The following LHX4 variants were observed in gnomAD, a reference collection of about 807,000 sequenced individuals.
LHX4 encodes LIM/homeobox protein Lhx4.
Under a neutral mutation model 39.2 loss-of-function variants are expected in LHX4, and 16 were observed. That is an observed-to-expected ratio of 0.41 (90% CI 0.28 to 0.62). The LOEUF is 0.62. LHX4 is among the 20% of genes least tolerant of loss of function. The pLI, the probability that LHX4 is intolerant of heterozygous loss-of-function variation, is 0.33. For synonymous variants in LHX4, 206 were observed against 198.1 expected (o/e 1.04, Z -0.33); for missense variants, 439 against 511.9 (o/e 0.86, Z 1.37).
At position 180,274,901 on chromosome 1, in the gene LHX4, G is replaced by C. The variant is rs1157025788; in HGVS notation, c.*322G>C. ...GCTCAGTGCTTTGGTAGCACAAGGT[G>C]ACTGTGATAGGCCCCCTTGGCCTTT... On this transcript the variant is annotated 3_prime_UTR_variant, in exon 6 of 6. Transcript: ENST00000263726. 3 of 255,390 alleles carry C rather than the reference G, an allele frequency of 1.2e-5. No individual in the cohort carries two copies. The highest frequency in any genetic ancestry group is 6.5e-5 in the African/African-American group (3 of 45,832). 15.8% of individuals were successfully genotyped at this position (255,390 alleles called of 1,614,324 possible).
At chr1:180,256,062 C>T (rs1159846010) in intron 2 of LHX4, among the ~76,000 whole-genome samples, 1 of 152,242 alleles carries the variant, frequency 6.6e-6, no homozygotes, top group African/African-American at 2.4e-5. Context: ...CTACCCTGGC[C>T]ATTCAGGTGC....
At chr1:180,235,358 G>A (rs1023577494) in intron 1 of LHX4, among the ~76,000 whole-genome samples, 1 of 152,280 alleles carries the variant, frequency 6.6e-6, no homozygotes, top group African/African-American at 2.4e-5. Context: ...TTCCAGCAAG[G>A]ATAGGCGCGG....
In LHX4 at chr1:180,248,648, G is replaced by A. The variant is rs564643562; in HGVS notation, c.248+192G>A. 17 of 682,338 alleles carry A rather than the reference G, an allele frequency of 2.5e-5. 1 individual carries two copies. The highest frequency in any genetic ancestry group is 1.8e-4 in the African/African-American group (10 of 57,098). 42.3% of individuals were successfully genotyped at this position (682,338 alleles called of 1,614,324 possible). A position where few individuals can be genotyped will look rare whatever the true frequency, so the allele number is the denominator to read the frequency against. On this transcript the variant is annotated intron_variant, in intron 2 of 5. Transcript: ENST00000263726. ...TGATCACTGGCCCATCACTGCCAGA[G>A]GTTCAGCCTCTAGACCTCATTTGAT...
At chr1:180,271,776 G>A in intron 4 of LHX4, 59 bp from the exon 5 acceptor site, 1 of 1,593,698 alleles carries the variant, frequency 6.3e-7, no homozygotes, top group Non-Finnish European at 8.6e-7. Context: ...AGGGGGTCCT[G>A]GGGGCTTTGG....
chr1:180,252,719 G>A (rs1453531464), intron 2 of LHX4, among the ~76,000 whole-genome samples: 3 of 152,188 alleles, frequency 2.0e-5, no homozygotes, highest in Admixed American at 2.0e-4. Context: ...GAGGTGGGTA[G>A]TACCTTGTAA....
chr1:180,271,677 G>T, intron 4 of LHX4, 143 bp downstream of exon 4: 1 of 1,321,120 alleles, frequency 7.6e-7, no homozygotes, highest in South Asian at 1.2e-5. Flanking sequence ...ACAGAGTTCT[G>T]AGGCCCACCT....
chr1:180,233,346 G>C, intron 1 of LHX4, among the ~76,000 whole-genome samples: 1 of 152,204 alleles, frequency 6.6e-6, no homozygotes, highest in East Asian at 1.9e-4. Context: ...TTGGTCGCGC[G>C]GCCCCCGGTG....
rs1648323639 is a variant in LHX4 at position 180,266,576 on chromosome 1, G to C, written c.433G>C (p.Glu145Gln). 1 of 1,614,094 alleles carries C rather than the reference G, an allele frequency of 6.2e-7. No homozygotes were observed. Among genetic ancestry groups the C allele is most frequent in the Non-Finnish European group, 8.5e-7 (1 of 1,179,998 alleles). Reference sequence around the variant, plus strand: ...GCGGCTGGTGTGCAAGGAAGACTACGAGACAGCCAAGCAGAACGGTAAGCA... The same window carrying C: ...GCGGCTGGTGTGCAAGGAAGACTACCAGACAGCCAAGCAGAACGGTAAGCA... ...DGRLVCKEDY[E>Q]TAKQNDDSEA... The change falls in exon 3 of 6, where the codon GAG becomes CAG. Residue 145 changes from glutamate to glutamine, a missense_variant. Coordinates refer to ENST00000263726, the MANE Select transcript of LHX4 (RefSeq NM_033343.4). The surrounding 1 kb of genome is among the most constrained non-coding windows in gnomAD (Gnocchi z 5.7).
In LHX4 at chr1:180,277,612, C is replaced by CT. The variant is rs1225153446; in HGVS notation, c.*3034dup. On this transcript the variant is annotated 3_prime_UTR_variant, in exon 6 of 6. Transcript: ENST00000263726. ...ATGGAGGAAATACCAGATTTAAGGG[C>CT]TAAGAAGCTGGCCCGATGGGTAAAT... 1 of 152,154 alleles carries CT rather than the reference C, an allele frequency of 6.6e-6. No homozygotes were observed. Among genetic ancestry groups the CT allele is most frequent in the African/African-American group, 2.4e-5 (1 of 41,434 alleles). 9.4% of individuals were successfully genotyped at this position (152,154 alleles called of 1,614,324 possible).
intron 2 of LHX4, among the ~76,000 whole-genome samples, chr1:180,252,661 T>C (rs1417675870): frequency 2.6e-5 from 4 of 152,108 alleles, no homozygotes; most frequent in Non-Finnish European, 5.9e-5. Context: ...TGTCATATTC[T>C]ATGTGAAGTT....
At chr1:180,239,969 T>C (rs1003409450) in intron 1 of LHX4, among the ~76,000 whole-genome samples, 1 of 152,150 alleles carries the variant, frequency 6.6e-6, no homozygotes, top group East Asian at 1.9e-4. Context: ...GTGGCTCCCA[T>C]GGACCCAGCT....
intron 2 of LHX4, among the ~76,000 whole-genome samples, chr1:180,251,983 C>T (rs1647646306): frequency 6.6e-6 from 1 of 152,162 alleles, no homozygotes; most frequent in African/African-American, 2.4e-5. Flanking sequence ...GATTCATAGC[C>T]CTCACCAAGC....
Position 180,234,767 on chromosome 1 carries a change from C to G in LHX4, c.76+4162C>G, listed in dbSNP as rs1425081620. Among the ~76,000 whole-genome samples, 1 of 152,244 alleles carries G rather than the reference C, an allele frequency of 6.6e-6. No homozygotes were observed. On this transcript the variant is annotated intron_variant, in intron 1 of 5. Coordinates refer to ENST00000263726, the MANE Select transcript of LHX4 (RefSeq NM_033343.4). The surrounding 1 kb of genome is among the most constrained non-coding windows in gnomAD (Gnocchi z 4.8). ...AGCAGGACCTAACTCAAGTTTATTT[C>G]CTCTCTTGGCCGAGGTCCGGGCTCG...
intron 1 of LHX4, among the ~76,000 whole-genome samples, chr1:180,235,549 C>T (rs1664294973): frequency 6.6e-6 from 1 of 152,240 alleles, no homozygotes; most frequent in Non-Finnish European, 1.5e-5. Flanking sequence ...CGAAGGGGCT[C>T]CTCCTCTTCG....
At chr1:180,264,651 G>C (rs892041828) in intron 2 of LHX4, among the ~76,000 whole-genome samples, 3 of 152,178 alleles carry the variant, frequency 2.0e-5, no homozygotes, top group African/African-American at 7.2e-5. Flanking sequence ...CCTGGGTCCT[G>C]AATCCCTTTA....
At chr1:180,243,933 C>T (rs917955727) in intron 1 of LHX4, among the ~76,000 whole-genome samples, 11 of 152,202 alleles carry the variant, frequency 7.2e-5, no homozygotes, top group Non-Finnish European at 1.5e-4. Flanking sequence ...GTTCAGGCCC[C>T]TTGAGCTCTC....
rs755424000 is a variant in LHX4, at chr1:180,277,331, A to G, written c.*2752A>G. 3.3e-5 allele frequency: 5 copies of G among 152,202 alleles called. No individual in the cohort carries two copies. The highest frequency in any genetic ancestry group is 7.3e-5 in the Non-Finnish European group (5 of 68,038). The allele number at this position is 152,202 out of a possible 1,614,324, so 9.4% of individuals were successfully genotyped here. A position where few individuals can be genotyped will look rare whatever the true frequency, so the allele number is the denominator to read the frequency against. On this transcript the variant is annotated 3_prime_UTR_variant, in exon 6 of 6. Coordinates refer to ENST00000263726, the MANE Select transcript of LHX4 (RefSeq NM_033343.4). Reference sequence around the variant, plus strand: ...GCACTCCTCTGTTGCTTGGAAGTCTATTATGGGGTATAAGGTGCTACATGG... The same window carrying G: ...GCACTCCTCTGTTGCTTGGAAGTCTGTTATGGGGTATAAGGTGCTACATGG...
intron 2 of LHX4, among the ~76,000 whole-genome samples, chr1:180,249,957 AGT>A (rs1647553110): frequency 2.0e-5 from 3 of 150,878 alleles, no homozygotes; most frequent in South Asian, 2.1e-4. Flanking sequence ...TGAGTGTGAG[AGT>A]GTGAGTGTTG....
At chr1:180,256,818 C>T (rs963514375) in intron 2 of LHX4, among the ~76,000 whole-genome samples, 2 of 152,104 alleles carry the variant, frequency 1.3e-5, no homozygotes, top group African/African-American at 4.8e-5. Context: ...GGCTGATTGG[C>T]CTGTAGTGAG....
Sources: allele counts gnomAD v4.1 joint callset (sites outside exome capture counted in the v4.1 genomes callset), GRCh38; gene constraint gnomAD v4.1.1; non-coding constraint Gnocchi (gnomAD v3.1); transcripts MANE v1.5; gene names NCBI Gene and HGNC (gene_info 2026-07-23, HGNC 2026-07-21).